The following SRSF2 variants were observed in gnomAD, a reference collection of about 807,000 sequenced individuals.
SRSF2 encodes the protein serine/arginine-rich splicing factor 2.
A neutral mutation model predicts 15.7 loss-of-function variants in SRSF2; 4 were observed. The ratio of observed to expected loss-of-function variants is 0.26; its 90% CI spans 0.13 to 0.58. The LOEUF (loss-of-function observed/expected upper bound fraction) is 0.58. Ranked by LOEUF, SRSF2 falls within the 20% of genes least tolerant of loss-of-function variation. The probability of loss-of-function intolerance (pLI) is 0.90; values close to 1 mark genes in which losing one functional copy is unlikely to be tolerated. For synonymous variants in SRSF2, 192 were observed against 138.9 expected, an observed-to-expected ratio of 1.38 and a Z score of -2.69; for missense variants, 147 against 332.4, an observed-to-expected ratio of 0.44 and a Z score of 4.34.
Position 76,734,892 on chromosome 17 carries a change from A to G in SRSF2, c.*274T>C. The stretch of plus-strand genomic sequence containing the variant: ...AAAAAAGTCAGCACTATATAACAAA[A>G]TGAAATTTTACCTCAAATATCCAAA... On this transcript the variant is annotated 3_prime_UTR_variant, in exon 3 of 3. Coordinates refer to ENST00000359995, the MANE Select transcript of SRSF2 (RefSeq NM_001195427.2). 4.2e-6 allele frequency: 1 copy of G among 238,172 alleles called. No homozygotes were observed. The highest frequency in any genetic ancestry group is 8.9e-6 in the Non-Finnish European group (1 of 112,668). The allele number at this position is 238,172 out of a possible 1,614,324, so 14.8% of individuals were successfully genotyped here.
chr17:76,736,693 CCCCGT>C, intron 1 of SRSF2, 101 bp downstream of exon 1: 2 of 1,294,672 alleles, frequency 1.5e-6, no homozygotes, highest in African/African-American at 3.1e-5. Flanking sequence ...TGCACCCCCG[CCCCGT>C]CCGGGCCCGC....
chr17:76,737,394 C>A (rs940594094), upstream of SRSF2: 17 of 507,542 alleles, frequency 3.3e-5, no homozygotes, highest in Non-Finnish European at 4.7e-5. Context: ...CCCGCGCCAC[C>A]CGGAAATGAA....
intron 2 of SRSF2, 146 bp downstream of exon 2, chr17:76,736,008 T>C: frequency 1.3e-6 from 1 of 769,084 alleles, no homozygotes; most frequent in Non-Finnish European, 2.1e-6. Flanking sequence ...CAGACCCCTC[T>C]CTTCAGTATT....
Position 76,737,231 on chromosome 17 carries a change from C to A in SRSF2, c.-71G>T. The stretch of plus-strand genomic sequence containing the variant: ...CTCAGCTCTGGGCGGTGCGACGCCG[C>A]GCCTCTCAGGCAGTTGCCTTCCGCG... On this transcript the variant is annotated 5_prime_UTR_variant, in exon 1 of 3. Coordinates refer to ENST00000359995, the MANE Select transcript of SRSF2 (RefSeq NM_001195427.2). 11 of 1,463,966 alleles carry A rather than the reference C, an allele frequency of 7.5e-6. No homozygotes were observed. The highest frequency in any genetic ancestry group is 1.0e-5 in the Non-Finnish European group (11 of 1,102,086). 90.7% of individuals were successfully genotyped at this position (1,463,966 alleles called of 1,614,324 possible).
intron 2 of SRSF2, 102 bp downstream of exon 2, chr17:76,736,052 C>G (rs759581207): frequency 5.7e-6 from 7 of 1,219,292 alleles, no homozygotes; most frequent in Non-Finnish European, 8.0e-6. Flanking sequence ...GAGCAGCACT[C>G]CTAATGATAG....
chr17:76,736,307 AGGACTT>A lies in SRSF2; in HGVS notation c.514_519del (p.Lys172_Ser173del), dbSNP rs746260518. On this transcript the variant is annotated inframe_deletion, in exon 2 of 3. Transcript: ENST00000359995. The stretch of plus-strand genomic sequence containing the variant: ...CGCGAACGAGATCTGGAGACCGACG[AGGACTT>A]GGACTTGGACCTTCGTGCGGATCTG... 5.0e-5 allele frequency: 80 copies of A among 1,613,980 alleles called. No individual in the cohort carries two copies. Among genetic ancestry groups the A allele is most frequent in the Admixed American group, 8.3e-5 (5 of 59,998 alleles).
intron 1 of SRSF2, 162 bp from the exon 2 acceptor site, chr17:76,736,626 C>G: frequency 8.7e-7 from 1 of 1,154,268 alleles, no homozygotes. Context: ...CCCGGCCACT[C>G]CCGGGTCGCA....
intron 1 of SRSF2, 136 bp downstream of exon 1, chr17:76,736,663 G>T: frequency 8.3e-7 from 1 of 1,207,412 alleles, no homozygotes; most frequent in Non-Finnish European, 1.1e-6. Context: ...GGGGTGGCCG[G>T]AGGGTCGCGA....
chr17:76,737,360 TA>T, upstream of SRSF2: 1 of 623,828 alleles, frequency 1.6e-6, no homozygotes. Context: ...TGCGCCCGTT[TA>T]TATCGCTCCT....
In SRSF2 at chr17:76,736,202, G is replaced by C. The variant is rs1435533340; in HGVS notation, c.625C>G (p.Pro209Ala). 2 of 1,613,966 alleles carry C rather than the reference G, an allele frequency of 1.2e-6. No individual in the cohort carries two copies. Among genetic ancestry groups the C allele is most frequent in the Non-Finnish European group, 1.7e-6 (2 of 1,179,928 alleles). The change falls in exon 2 of 3, where the codon CCC becomes GCC. Residue 209 changes from proline (P) to alanine (A), a missense_variant. Coordinates refer to ENST00000359995, the MANE Select transcript of SRSF2 (RefSeq NM_001195427.2). ...CCTTCCTCTTCAGGAGACTTGGGGG[G>C]ACTCTTCGATCGCGACCTGGATTTG... Reference protein sequence around the residue: ...ESKSRSRSKSPPKSPEEEGAV... With the variant: ...ESKSRSRSKSAPKSPEEEGAV...
chr17:76,737,292 ACGGACGGGCTC>A lies in SRSF2; in HGVS notation c.-143_-133del, dbSNP rs2077560165. The A allele has an allele frequency of 1.1e-5, 14 of 1,280,400 alleles. No individual in the cohort carries two copies. The highest frequency in any genetic ancestry group is 1.0e-5 in the Non-Finnish European group (10 of 956,824). 79.3% of individuals were successfully genotyped at this position (1,280,400 alleles called of 1,614,324 possible). A position where few individuals can be genotyped will look rare whatever the true frequency, so the allele number is the denominator to read the frequency against. ...GGGAAAGGCCTTGCCGCAGAACAGCACGGACGGGCTCCGCAGGCTAGCGCACCTGAGTAACA... is the reference window on the plus strand; with the variant it reads ...GGGAAAGGCCTTGCCGCAGAACAGCACGCAGGCTAGCGCACCTGAGTAACA... On this transcript the variant is annotated 5_prime_UTR_variant, in exon 1 of 3. Transcript: ENST00000359995.
chr17:76,737,208 C>T lies in SRSF2; in HGVS notation c.-48G>A, dbSNP rs1431151404. 2.0e-6 allele frequency: 3 copies of T among 1,483,500 alleles called. No individual in the cohort carries two copies. The African/African-American group carries it at 4.2e-5, about 21-fold the overall frequency. The allele number at this position is 1,483,500 out of a possible 1,614,324, so 91.9% of individuals were successfully genotyped here. A position where few individuals can be genotyped will look rare whatever the true frequency, so the allele number is the denominator to read the frequency against. On this transcript the variant is annotated 5_prime_UTR_variant, in exon 1 of 3. Coordinates refer to ENST00000359995, the MANE Select transcript of SRSF2 (RefSeq NM_001195427.2). ...CCCCGCGAACTGGCGCCGGCTTCCT[C>T]AGCTCTGGGCGGTGCGACGCCGCGC...
chr17:76,736,670 G>A (rs2077507432), intron 1 of SRSF2, 129 bp downstream of exon 1: 2 of 1,220,712 alleles, frequency 1.6e-6, no homozygotes, highest in Non-Finnish European at 2.1e-6. Context: ...CCGGAGGGTC[G>A]CGAGACGCGG....
In SRSF2 at chr17:76,734,797, T is replaced by C. The variant is rs2077386314; in HGVS notation, c.*369A>G. 3 of 238,968 alleles carry C rather than the reference T, an allele frequency of 1.3e-5. No homozygotes were observed. In the South Asian group the frequency reaches 5.5e-4, roughly 44 times the overall value. The allele number at this position is 238,968 out of a possible 1,614,324, so 14.8% of individuals were successfully genotyped here. A position where few individuals can be genotyped will look rare whatever the true frequency, so the allele number is the denominator to read the frequency against. ...CTTGACAGCTTTAGGCTGTGTGTAA[T>C]GGCTGCACACGTTTTCCTTAAAAGT... On this transcript the variant is annotated 3_prime_UTR_variant, in exon 3 of 3. Coordinates refer to ENST00000359995, the MANE Select transcript of SRSF2 (RefSeq NM_001195427.2).
intron 1 of SRSF2, 37 bp from the exon 2 acceptor site, chr17:76,736,501 C>T (rs756714282): frequency 6.9e-6 from 11 of 1,596,580 alleles, no homozygotes; most frequent in East Asian, 4.5e-5. Flanking sequence ...GGGGTTAATT[C>T]CAGGCAGCGG....
Position 76,735,147 on chromosome 17 carries a change from T to C in SRSF2, c.*19A>G, listed in dbSNP as rs2077396619. ...TCCCCAAGTCCTCCGTTTACACTGC[T>C]TGCCGATACATCTAGGTTTGAAAAG... On this transcript the variant is annotated 3_prime_UTR_variant, in exon 3 of 3. Coordinates refer to ENST00000359995, the MANE Select transcript of SRSF2 (RefSeq NM_001195427.2). 2 of 219,282 alleles carry C rather than the reference T, an allele frequency of 9.1e-6. No individual in the cohort carries two copies. Among genetic ancestry groups the C allele is most frequent in the South Asian group, 3.7e-4 (2 of 5,418 alleles). 13.6% of individuals were successfully genotyped at this position (219,282 alleles called of 1,614,324 possible).
At position 76,734,260 on chromosome 17, in the gene SRSF2, G is replaced by A. The variant is rs773807370; in HGVS notation, c.*906C>T. 2.3e-4 allele frequency: 51 copies of A among 224,962 alleles called. No homozygotes were observed. The highest frequency in any genetic ancestry group is 5.3e-5 in the Non-Finnish European group (6 of 112,382). The allele number at this position is 224,962 out of a possible 1,614,324, so 13.9% of individuals were successfully genotyped here. ...CATTTGCTTCCTTAACATTTTCCAT[G>A]TTAAGTTCATACATGTAGATATGAT... On this transcript the variant is annotated 3_prime_UTR_variant, in exon 3 of 3. Transcript: ENST00000359995.
chr17:76,735,743 T>C, intron 2 of SRSF2: 1 of 340,996 alleles, frequency 2.9e-6, no homozygotes, highest in East Asian at 5.1e-5. Context: ...TCTAAGAGGA[T>C]AGTGCATCTT....
Position 76,736,289 on chromosome 17 carries a change from G to C in SRSF2, c.538C>G (p.Arg180Gly), listed in dbSNP as rs373001591. The C allele has an allele frequency of 9.5e-5, 153 of 1,614,060 alleles. No individual in the cohort carries two copies. The highest frequency in any genetic ancestry group is 1.3e-4 in the Non-Finnish European group (153 of 1,180,022). ...KSKSSSVSRS[R>G]SRSRSRSRSR... ...CGAGACCGGGACCTGGACCGCGAACGAGATCTGGAGACCGACGAGGACTTG... is the reference window on the plus strand; with the variant it reads ...CGAGACCGGGACCTGGACCGCGAACCAGATCTGGAGACCGACGAGGACTTG... The change falls in exon 2 of 3, where the codon CGT (arginine) becomes GGT (glycine). Residue 180 changes from arginine (R) to glycine (G), a missense_variant. Around this residue, in one of 2 missense-constraint regions of SRSF2, gnomAD observed 125 missense variants for 185.1 expected, o/e 0.68. Coordinates refer to ENST00000359995, the MANE Select transcript of SRSF2 (RefSeq NM_001195427.2).
Sources: allele counts gnomAD v4.1 joint callset, GRCh38; gene constraint gnomAD v4.1.1; regional missense constraint gnomAD v4.1.1; transcripts MANE v1.5; gene names NCBI Gene and HGNC (gene_info 2026-07-23, HGNC 2026-07-21).